The following GPHN variants were observed in gnomAD, a reference collection of about 807,000 sequenced individuals.
GPHN encodes the protein gephyrin.
In GPHN, 17 loss-of-function variants were observed where a neutral mutation model predicts 95.5. That is an observed-to-expected ratio of 0.18 (90% CI 0.12 to 0.27). GPHN has a LOEUF of 0.27. Among genes scored for constraint, GPHN ranks in the 10% least tolerant of loss-of-function variants. The probability of loss-of-function intolerance (pLI) is 1.00; values close to 1 mark genes in which losing one functional copy is unlikely to be tolerated. For synonymous variants in GPHN, 320 were observed against 322.5 expected, an observed-to-expected ratio of 0.99 and a Z score of 0.08; for missense variants, 660 against 978.1, an observed-to-expected ratio of 0.67 and a Z score of 4.34.
intron 17 of GPHN, among the ~76,000 whole-genome samples, chr14:67,133,336 CTAAT>C (rs2079844405): frequency 6.6e-6 from 1 of 152,080 alleles, no homozygotes; most frequent in African/African-American, 2.4e-5. Flanking sequence ...AAACAGGAAA[CTAAT>C]TAGCAGCTGT....
intron 3 of GPHN, among the ~76,000 whole-genome samples, chr14:66,819,941 C>T (rs2061125914): frequency 6.6e-6 from 1 of 151,996 alleles, no homozygotes; most frequent in Non-Finnish European, 1.5e-5. Flanking sequence ...TTTATTTACA[C>T]TTAAGCAGAA....
intron 1 of GPHN, among the ~76,000 whole-genome samples, chr14:66,554,826 A>G (rs774971949): frequency 3.9e-5 from 6 of 152,210 alleles, no homozygotes; most frequent in Non-Finnish European, 7.3e-5. Context: ...GATTTCATAC[A>G]TGCTGGGTTG....
At chr14:67,321,358 A>G in the GPHN span, 3 of 1,093,814 alleles carry the variant, frequency 2.7e-6, no homozygotes, top group South Asian at 4.2e-5. Flanking sequence ...AGCGCGACCT[A>G]ATTAAGTTCT....
At chr14:67,288,505 C>T in the GPHN span, among the ~76,000 whole-genome samples, 3 of 152,116 alleles carry the variant, frequency 2.0e-5, no homozygotes, top group Non-Finnish European at 2.9e-5. Context: ...TCCATCTTTA[C>T]GAAGAAAATT....
At chr14:67,412,232 G>A in the GPHN span, 62 of 489,766 alleles carry the variant, frequency 1.3e-4, no homozygotes, top group African/African-American at 1.0e-3. Flanking sequence ...GGGGCAGGAA[G>A]TCAGACCAAG....
At chr14:67,315,871 G>A in the GPHN span, among the ~76,000 whole-genome samples, 1 of 152,230 alleles carries the variant, frequency 6.6e-6, no homozygotes, top group Non-Finnish European at 1.5e-5. Context: ...GTTGCGGTGA[G>A]CCAAGATTGC....
chr14:67,669,025 G>A, the GPHN span, among the ~76,000 whole-genome samples: 1 of 152,098 alleles, frequency 6.6e-6, no homozygotes, highest in African/African-American at 2.4e-5. Context: ...ATGGCTAGTA[G>A]CTCTATTATC....
chr14:66,623,270 CA>C (rs747624612), intron 1 of GPHN, among the ~76,000 whole-genome samples: 284 of 152,004 alleles, frequency 1.9e-3, no homozygotes, highest in African/African-American at 6.6e-3. Context: ...ACGAAAGACC[CA>C]CCCCCATAAT....
intron 9 of GPHN, among the ~76,000 whole-genome samples, chr14:67,017,190 A>G (rs1194651359): frequency 6.6e-6 from 1 of 152,132 alleles, no homozygotes; most frequent in Non-Finnish European, 1.5e-5. Flanking sequence ...AATTAAACAC[A>G]TAAGAGCTAT....
chr14:67,577,159 A>G, the GPHN span: 3 of 643,190 alleles, frequency 4.7e-6, no homozygotes, highest in Admixed American at 2.3e-5. Flanking sequence ...CCCACACTCT[A>G]TGGATGATAA....
At chr14:67,724,569 G>A in the GPHN span, 21 of 1,613,496 alleles carry the variant, frequency 1.3e-5, no homozygotes, top group Non-Finnish European at 1.8e-5. Context: ...GCAAGGAGAC[G>A]GCCAGAGAGC....
intron 2 of GPHN, among the ~76,000 whole-genome samples, chr14:66,755,232 T>A (rs979730418): frequency 6.6e-6 from 1 of 152,128 alleles, no homozygotes; most frequent in African/African-American, 2.4e-5. Flanking sequence ...CAATGGTGTT[T>A]TCTTGTAGGA....
Position 66,800,068 on chromosome 14 carries a change from A to T in GPHN, c.201+23547A>T, listed in dbSNP as rs529833250. On this transcript the variant is annotated intron_variant, in intron 3 of 22. Coordinates refer to ENST00000478722, the MANE Select transcript of GPHN (RefSeq NM_020806.5). The stretch of plus-strand genomic sequence containing the variant: ...ACACTTTTTGCATAAACAAACAAGC[A>T]AGCAAGCCACAAACTAATAAAAGTC... 1.5e-3 allele frequency among the ~76,000 whole-genome samples: 230 copies of T among 152,234 alleles called. 1 individual carries two copies. Among genetic ancestry groups the T allele is most frequent in the African/African-American group, 5.5e-3 (228 of 41,570 alleles).
intron 1 of GPHN, among the ~76,000 whole-genome samples, chr14:66,649,942 T>C (rs145201028): frequency 6.6e-6 from 1 of 152,290 alleles, no homozygotes; most frequent in African/African-American, 2.4e-5. Context: ...TTCTCTTTCC[T>C]GCATTACACA....
chr14:66,667,230 C>A (rs1028719374), intron 1 of GPHN, among the ~76,000 whole-genome samples: 2 of 152,168 alleles, frequency 1.3e-5, no homozygotes, highest in African/African-American at 4.8e-5. Flanking sequence ...TTTATAAATT[C>A]ATTGCTATTC....
At chr14:67,689,046 A>G in the GPHN span, among the ~76,000 whole-genome samples, 2 of 152,208 alleles carry the variant, frequency 1.3e-5, no homozygotes, top group African/African-American at 4.8e-5. Context: ...CACCTCATTC[A>G]TGTATTAGTG....
chr14:67,092,092 G>C (rs1364726895), intron 12 of GPHN, among the ~76,000 whole-genome samples: 1 of 152,196 alleles, frequency 6.6e-6, no homozygotes, highest in East Asian at 1.9e-4. Flanking sequence ...AAAGTCTTCT[G>C]TAGACAAGTG....
At chr14:67,557,522 C>G in the GPHN span, 1 of 1,017,600 alleles carries the variant, frequency 9.8e-7, no homozygotes, top group Non-Finnish European at 1.4e-6. Flanking sequence ...TGCTGGGGAA[C>G]TCGCTCCCTC....
At chr14:67,467,970 C>T in the GPHN span, 16 of 151,162 alleles carry the variant, frequency 1.1e-4, no homozygotes, top group African/African-American at 4.0e-4. Context: ...ACCACAACTG[C>T]TATTTCAATT....
Sources: allele counts gnomAD v4.1 joint callset (sites outside exome capture counted in the v4.1 genomes callset), GRCh38; gene constraint gnomAD v4.1.1; transcripts MANE v1.5; gene names NCBI Gene and HGNC (gene_info 2026-07-23, HGNC 2026-07-21).